Variants in PIGL observed in about 807,000 individuals in gnomAD.
PIGL encodes the protein N-acetylglucosaminyl-phosphatidylinositol de-N-acetylase.
In PIGL, 22 loss-of-function variants were observed where a neutral mutation model predicts 31.1. That is an observed-to-expected ratio of 0.71 (90% CI 0.51 to 1.01). The LOEUF is 1.01. PIGL is among the 50% of genes least tolerant of loss of function. The probability of loss-of-function intolerance (pLI) is 0.00; values close to 1 mark genes in which losing one functional copy is unlikely to be tolerated. For synonymous variants in PIGL, 131 were observed against 117.4 expected, an observed-to-expected ratio of 1.12 and a Z score of -0.75; for missense variants, 302 against 315.9, an observed-to-expected ratio of 0.96 and a Z score of 0.33.
intron 2 of PIGL, among the ~76,000 whole-genome samples, chr17:16,272,431 T>C (rs2092876834): frequency 6.6e-6 from 1 of 152,242 alleles, no homozygotes; most frequent in Non-Finnish European, 1.5e-5. Context: ...GTTCTTTCCA[T>C]ATTTGTTTGT....
chr17:16,233,070 C>T (rs957229790), intron 1 of PIGL, among the ~76,000 whole-genome samples: 1 of 151,048 alleles, frequency 6.6e-6, no homozygotes, highest in Non-Finnish European at 1.5e-5. Flanking sequence ...GCCAAGATCG[C>T]GCTGCTGTAC....
intron 3 of PIGL, among the ~76,000 whole-genome samples, chr17:16,301,134 C>CT (rs201358381): frequency 1.0e-4 from 15 of 148,794 alleles, no homozygotes; most frequent in South Asian, 2.2e-4. Flanking sequence ...ACATATTAGG[C>CT]TTTTTTTTTT....
At chr17:16,278,369 A>G (rs774978824) in intron 2 of PIGL, among the ~76,000 whole-genome samples, 10 of 152,072 alleles carry the variant, frequency 6.6e-5, no homozygotes, top group Non-Finnish European at 1.3e-4. Flanking sequence ...GATTACAAGC[A>G]TGAGCCACTG....
intron 5 of PIGL, 177 bp from the exon 6 acceptor site, chr17:16,317,598 G>A (rs537807463): frequency 4.8e-5 from 68 of 1,413,194 alleles, no homozygotes; most frequent in Admixed American, 2.5e-4. Flanking sequence ...CCTTTTACTC[G>A]TTCTAGCTGC....
At chr17:16,234,566 C>T (rs1015978667) in intron 2 of PIGL, among the ~76,000 whole-genome samples, 18 of 152,194 alleles carry the variant, frequency 1.2e-4, no homozygotes, top group African/African-American at 2.4e-5. Context: ...GAGTTCAAGA[C>T]CAACCTGGCC....
rs2093125833 is a variant in PIGL at position 16,325,959 on chromosome 17, G to A, written c.*61G>A. The stretch of plus-strand genomic sequence containing the variant: ...GGAAAATAGACAAAGGAGTGCAGAG[G>A]ACCTGGCCTGGCACTGGCTTATTTA... On this transcript the variant is annotated 3_prime_UTR_variant, in exon 7 of 7. Coordinates refer to ENST00000225609, the MANE Select transcript of PIGL (RefSeq NM_004278.4). 3 of 1,220,872 alleles carry A rather than the reference G, an allele frequency of 2.5e-6. No homozygotes were observed. Among genetic ancestry groups the A allele is most frequent in the Admixed American group, 1.7e-5 (1 of 58,540 alleles). The allele number at this position is 1,220,872 out of a possible 1,614,324, so 75.6% of individuals were successfully genotyped here.
chr17:16,299,943 C>G lies in PIGL; in HGVS notation c.391C>G (p.Leu131Val), dbSNP rs756108928. The G allele has an allele frequency of 6.2e-7, 1 of 1,614,072 alleles. No homozygotes were observed. The highest frequency in any genetic ancestry group is 8.5e-7 in the Non-Finnish European group (1 of 1,179,918). ...QWDTEHVARV[L>V]LQHIEVNGIN... Reference sequence around the variant, plus strand: ...GGACACAGAGCACGTGGCCAGAGTCCTCCTTCAGCACATAGAAGTGAATGG... The same window carrying G: ...GGACACAGAGCACGTGGCCAGAGTCGTCCTTCAGCACATAGAAGTGAATGG... The change falls in exon 3 of 7, where the codon CTC (leucine) becomes GTC (valine). Residue 131 changes from leucine to valine, a missense_variant. Leu to Val is a conservative substitution (Grantham distance 32). Coordinates refer to ENST00000225609, the MANE Select transcript of PIGL (RefSeq NM_004278.4).
chr17:16,277,964 A>G (rs190854097), intron 2 of PIGL, among the ~76,000 whole-genome samples: 1 of 152,252 alleles, frequency 6.6e-6, no homozygotes. Flanking sequence ...GCCAAGCGCC[A>G]TTTCATATTT....
chr17:16,269,435 G>T (rs2092860170), intron 2 of PIGL, among the ~76,000 whole-genome samples: 1 of 152,122 alleles, frequency 6.6e-6, no homozygotes, highest in African/African-American at 2.4e-5. Context: ...ATCATCTGCA[G>T]TCAGGAGTTC....
At chr17:16,260,029 C>T (rs758822522) in intron 2 of PIGL, among the ~76,000 whole-genome samples, 12 of 152,232 alleles carry the variant, frequency 7.9e-5, no homozygotes, top group Admixed American at 5.2e-4. Flanking sequence ...CCACAGTGCA[C>T]GCATGCTCAG....
At position 16,295,510 on chromosome 17, in the gene PIGL, G is replaced by T. The variant is rs571666908; in HGVS notation, c.336-4378G>T. The stretch of plus-strand genomic sequence containing the variant: ...AATCACTGAGTTATTAGCTGGGCTT[G>T]GTGGCTCACACCTGTAATCTCAGCT... On this transcript the variant is annotated intron_variant, in intron 2 of 6. Transcript: ENST00000225609. Among the ~76,000 whole-genome samples, 27 of 151,802 alleles carry T rather than the reference G, an allele frequency of 1.8e-4. No homozygotes were observed. The South Asian group carries it at 5.6e-3, about 31-fold the overall frequency.
At chr17:16,269,888 A>G (rs189491145) in intron 2 of PIGL, among the ~76,000 whole-genome samples, 169 of 152,204 alleles carry the variant, frequency 1.1e-3, no homozygotes, top group African/African-American at 3.9e-3. Flanking sequence ...GCATCTTTCA[A>G]GTATTCAACC....
intron 2 of PIGL, among the ~76,000 whole-genome samples, chr17:16,296,975 C>A (rs932732462): frequency 6.6e-6 from 1 of 152,134 alleles, no homozygotes; most frequent in African/African-American, 2.4e-5. Context: ...CCGCCTCGGC[C>A]TCCCAAAGTG....
At chr17:16,247,683 G>A (rs1408809739) in intron 2 of PIGL, among the ~76,000 whole-genome samples, 1 of 152,160 alleles carries the variant, frequency 6.6e-6, no homozygotes, top group South Asian at 2.1e-4. Flanking sequence ...CTTGAAGGAC[G>A]ACGCATGTTT....
At chr17:16,266,910 G>A (rs867142486) in intron 2 of PIGL, among the ~76,000 whole-genome samples, 2,520 of 138,758 alleles carry the variant, frequency 0.018, 71 homozygotes, top group African/African-American at 0.071. Context: ...TTTTTTTGGG[G>A]GGGGGGGGGT....
At chr17:16,322,128 C>G (rs1053570500) in intron 6 of PIGL, among the ~76,000 whole-genome samples, 1 of 151,142 alleles carries the variant, frequency 6.6e-6, no homozygotes, top group Non-Finnish European at 1.5e-5. Context: ...GAGTCTTGCT[C>G]TGTCACCCAG....
intron 2 of PIGL, among the ~76,000 whole-genome samples, chr17:16,261,890 T>C (rs544818872): frequency 5.9e-5 from 9 of 152,020 alleles, no homozygotes; most frequent in African/African-American, 2.2e-4. Flanking sequence ...AGGTGTCAGC[T>C]ACCAAGTATG....
At chr17:16,287,721 G>A (rs1184612812) in intron 2 of PIGL, among the ~76,000 whole-genome samples, 1 of 152,210 alleles carries the variant, frequency 6.6e-6, no homozygotes, top group Non-Finnish European at 1.5e-5. Flanking sequence ...TACCGTGGGT[G>A]TATCTGTGCT....
chr17:16,217,706 G>T, intron 1 of PIGL: 1 of 517,674 alleles, frequency 1.9e-6, no homozygotes, highest in Admixed American at 3.4e-5. Context: ...GTTGCAGTTG[G>T]TTGTATTCAG....
Sources: allele counts gnomAD v4.1 joint callset (sites outside exome capture counted in the v4.1 genomes callset), GRCh38; gene constraint gnomAD v4.1.1; transcripts MANE v1.5; gene names NCBI Gene and HGNC (gene_info 2026-07-23, HGNC 2026-07-21).